Variants in COL6A3 observed in about 807,000 individuals in gnomAD.
COL6A3 encodes the protein collagen alpha-3(VI) chain.
In COL6A3, 137 loss-of-function variants were observed where a neutral mutation model predicts 274.1. The ratio of observed to expected loss-of-function variants is 0.50; its 90% CI spans 0.44 to 0.58. COL6A3 has a LOEUF of 0.58. Ranked by LOEUF, COL6A3 falls within the 20% of genes least tolerant of loss-of-function variation. The pLI, the probability that COL6A3 is intolerant of heterozygous loss-of-function variation, is 0.00. For missense variants in COL6A3, 3,950 were observed against 4,124.9 expected (o/e 0.96, Z 1.16); for synonymous variants, 1,650 against 1,650.6 (o/e 1.00, Z 0.01).
At chr2:237,373,283 T>G (rs1338456777) in intron 8 of COL6A3, among the ~76,000 whole-genome samples, 1 of 152,210 alleles carries the variant, frequency 6.6e-6, no homozygotes, top group Non-Finnish European at 1.5e-5. Context: ...AGACACAGCA[T>G]CACAGAGGCC....
Position 237,357,797 on chromosome 2 carries a change from A to T in COL6A3, c.6537+20T>A. On this transcript the variant is annotated intron_variant, in intron 22 of 43. Coordinates refer to ENST00000295550, the MANE Select transcript of COL6A3 (RefSeq NM_004369.4). ...CTTGCCCTCAGTACAGGGAGAGTCT[A>T]GGAATGTGCAGCACCTTACCATGGG... 6.2e-7 allele frequency: 1 copy of T among 1,612,878 alleles called. No homozygotes were observed. Among genetic ancestry groups the T allele is most frequent in the Middle Eastern group, 1.7e-4 (1 of 5,964 alleles).
chr2:237,404,445 G>A (rs917670066), intron 1 of COL6A3, among the ~76,000 whole-genome samples: 2 of 152,174 alleles, frequency 1.3e-5, no homozygotes, highest in Admixed American at 1.3e-4. Flanking sequence ...CCATGTTCAA[G>A]AGGCATGATT....
chr2:237,396,647 T>C, intron 2 of COL6A3, 80 bp downstream of exon 2: 1 of 1,369,434 alleles, frequency 7.3e-7, no homozygotes. Flanking sequence ...CTAAGCTCTA[T>C]GTCAGTGCCT....
Position 237,387,890 on chromosome 2 carries a change from G to A in COL6A3, c.1004C>T (p.Thr335Ile). The change falls in exon 4 of 44, where the codon ACC (threonine) becomes ATC (isoleucine). Residue 335 changes from threonine to isoleucine, a missense_variant. By Grantham distance (89) the Thr-to-Ile change is moderately conservative. This residue lies in a region of COL6A3 where 1,934 missense variants were observed against 1,984.3 expected (regional missense o/e 0.97). Transcript: ENST00000295550. ...CTCCACGCGGCTGCCCCCTGCCCGG[G>A]TGAAGTGGTTCTCCACCACGAAATC... ...ALDFVVENHF[T>I]RAGGSRVEEG... is the part of the protein sequence containing the mutation. 2 of 1,614,116 alleles carry A rather than the reference G, an allele frequency of 1.2e-6. No homozygotes were observed. Among genetic ancestry groups the A allele is most frequent in the African/African-American group, 1.3e-5 (1 of 75,054 alleles).
intron 38 of COL6A3, among the ~76,000 whole-genome samples, chr2:237,339,715 CCT>C (rs2076943534): frequency 6.6e-6 from 1 of 152,252 alleles, no homozygotes; most frequent in African/African-American, 2.4e-5. Context: ...CCAAGCCTTG[CCT>C]GTACTGACCC....
chr2:237,399,585 A>G (rs1300754768), intron 1 of COL6A3, among the ~76,000 whole-genome samples: 2 of 152,222 alleles, frequency 1.3e-5, no homozygotes, highest in African/African-American at 4.8e-5. Context: ...GCTGAATACC[A>G]AGCCTCCTTC....
chr2:237,356,876 CA>C (rs1168903602), intron 23 of COL6A3: 2 of 208,216 alleles, frequency 9.6e-6, no homozygotes, highest in Admixed American at 1.1e-4. Context: ...CTTGAAATTG[CA>C]AGATGCAATA....
chr2:237,369,988 C>T (rs1277867660), intron 9 of COL6A3, among the ~76,000 whole-genome samples: 1 of 151,754 alleles, frequency 6.6e-6, no homozygotes, highest in Non-Finnish European at 1.5e-5. Flanking sequence ...AGACATGAAC[C>T]ACCATGCCTG....
chr2:237,335,817 A>G (rs1056333433), intron 40 of COL6A3, among the ~76,000 whole-genome samples: 10 of 152,192 alleles, frequency 6.6e-5, no homozygotes, highest in Admixed American at 2.0e-4. Context: ...ATAGGAGCTA[A>G]AACCTTATTT....
At chr2:237,357,273 T>C (rs2077338492) in intron 23 of COL6A3, 65 bp downstream of exon 23, 1 of 1,386,584 alleles carries the variant, frequency 7.2e-7, no homozygotes, top group Non-Finnish European at 1.0e-6. Flanking sequence ...CACCAGGTCA[T>C]GTTGGGCAGA....
Position 237,371,838 on chromosome 2 carries a change from G to T in COL6A3, c.4179C>A (p.Thr1393=). Residue 1393 remains threonine (T), a synonymous_variant, in exon 9 of 44, where the codon ACC becomes ACA. Coordinates refer to ENST00000295550, the MANE Select transcript of COL6A3 (RefSeq NM_004369.4). This position sits in a 1 kb window ranked among gnomAD's most constrained non-coding sequence, Gnocchi z 4.3. ...GCTCCAGGCTGGGCAGCTCCCGGAAGGTGCTCACCGAGAACACATATTCGG... is the reference window on the plus strand; with the variant it reads ...GCTCCAGGCTGGGCAGCTCCCGGAATGTGCTCACCGAGAACACATATTCGG... ...LSPEYVFSVS[T]FRELPSLEQK... The T allele has an allele frequency of 2.5e-6, 4 of 1,613,550 alleles. No homozygotes were observed. The highest frequency in any genetic ancestry group is 3.4e-6 in the Non-Finnish European group (4 of 1,180,010).
At chr2:237,403,660 T>C (rs2078649009) in intron 1 of COL6A3, among the ~76,000 whole-genome samples, 1 of 152,110 alleles carries the variant, frequency 6.6e-6, no homozygotes. Flanking sequence ...CTTTTGGACA[T>C]GGATATATGT....
intron 16 of COL6A3, among the ~76,000 whole-genome samples, chr2:237,360,855 C>T (rs993771094): frequency 3.3e-5 from 5 of 152,162 alleles, no homozygotes; most frequent in African/African-American, 7.2e-5. Context: ...TGTGCAAATT[C>T]GGTGTCCCTC....
intron 42 of COL6A3, among the ~76,000 whole-genome samples, chr2:237,332,788 A>AATAATC (rs1559189112): frequency 2.6e-5 from 4 of 152,226 alleles, no homozygotes; most frequent in Non-Finnish European, 5.9e-5. Context: ...ACCGATGAAC[A>AATAATC]AGCCAAGTCC....
Position 237,381,314 on chromosome 2 carries a change from T to C in COL6A3, c.1498A>G (p.Asn500Asp). The change falls in exon 5 of 44, where the codon AAT (asparagine) becomes GAT (aspartate). Residue 500 changes from asparagine (N) to aspartate (D), a missense_variant. Transcript: ENST00000295550. The stretch of plus-strand genomic sequence containing the variant: ...ACTTCCCTTTTTGTTGGATGGGTAT[T>C]GAAATAAAATTCAGGCCTCACAGTG... ...ADTVRPEFYF[N>D]THPTKREVIT... The C allele has an allele frequency of 6.2e-7, 1 of 1,614,242 alleles. No individual in the cohort carries two copies. Among genetic ancestry groups the C allele is most frequent in the Non-Finnish European group, 8.5e-7 (1 of 1,180,046 alleles).
chr2:237,370,404 A>G (rs1212424360), intron 9 of COL6A3, among the ~76,000 whole-genome samples: 1 of 151,466 alleles, frequency 6.6e-6, no homozygotes, highest in African/African-American at 2.4e-5. Context: ...ACACCCAGCT[A>G]ATTTTTGTAT....
intron 42 of COL6A3, chr2:237,329,213 C>T (rs1315511604): frequency 6.6e-6 from 1 of 152,100 alleles, no homozygotes; most frequent in African/African-American, 2.4e-5. Context: ...AGCCATCATG[C>T]TTGGCTAATT....
intron 24 of COL6A3, 137 bp downstream of exon 24, chr2:237,354,762 C>A: frequency 2.7e-6 from 2 of 749,812 alleles, no homozygotes; most frequent in East Asian, 5.5e-5. Context: ...TTAACCTTGG[C>A]GAAATCAACT....
intron 3 of COL6A3, among the ~76,000 whole-genome samples, chr2:237,393,449 A>T (rs1048790702): frequency 9.9e-5 from 15 of 152,120 alleles, no homozygotes; most frequent in African/African-American, 3.4e-4. Context: ...AACTCTCTCA[A>T]TGTGCCTCTT....
Sources: gnomAD v4.1 joint callset for allele counts (sites outside exome capture counted in the v4.1 genomes callset) on GRCh38, gnomAD v4.1.1 for gene constraint, gnomAD v4.1.1 regional missense constraint, Gnocchi (gnomAD v3.1) non-coding constraint, MANE v1.5 for transcripts, NCBI Gene and HGNC (gene_info 2026-07-23, HGNC 2026-07-21) for gene names.